Variants in LRRIQ1 observed in about 807,000 individuals in gnomAD.
The protein encoded by LRRIQ1 is leucine-rich repeat- and IQ domain-containing protein 1.
In LRRIQ1, 210 loss-of-function variants were observed where a neutral mutation model predicts 211.9. The ratio of observed to expected loss-of-function variants is 0.99; its 90% CI spans 0.89 to 1.11. LRRIQ1 has a LOEUF of 1.11. LRRIQ1 is among the 50% of genes most tolerant of loss of function. The pLI is 0.00. For missense variants in LRRIQ1, 2,136 were observed against 1,939.5 expected (o/e 1.10, Z -1.90); for synonymous variants, 699 against 650.1 (o/e 1.08, Z -1.14).
In LRRIQ1 at chr12:85,232,583, G is replaced by T; in HGVS notation, c.4956-113G>T. ...TATAACCTAATTTAAGAAAACTGTT[G>T]TTTCCATTTTGTAAATAACGAATTT... On this transcript the variant is annotated intron_variant, in intron 25 of 26. Transcript: ENST00000393217. 6.5e-6 allele frequency: 5 copies of T among 770,846 alleles called. No individual in the cohort carries two copies. In the South Asian group the frequency reaches 6.6e-5, roughly 10 times the overall value. 47.8% of individuals were successfully genotyped at this position (770,846 alleles called of 1,614,324 possible).
At chr12:85,185,936 C>A (rs1892207271) in intron 24 of LRRIQ1, among the ~76,000 whole-genome samples, 1 of 151,562 alleles carries the variant, frequency 6.6e-6, no homozygotes, top group Non-Finnish European at 1.5e-5. Flanking sequence ...TGATAAGTAA[C>A]TGATAAAATT....
chr12:85,244,719 A>C, intron 26 of LRRIQ1, 70 bp from the exon 27 acceptor site: 3 of 1,310,178 alleles, frequency 2.3e-6, no homozygotes, highest in Non-Finnish European at 3.3e-6. Context: ...ATTTGGGGTA[A>C]TGTGAGCTGC....
At chr12:85,171,152 A>T (rs1173459878) in intron 24 of LRRIQ1, among the ~76,000 whole-genome samples, 1 of 152,138 alleles carries the variant, frequency 6.6e-6, no homozygotes, top group Non-Finnish European at 1.5e-5. Context: ...GAAATTGAGA[A>T]TTTCAGCAGG....
In LRRIQ1 at chr12:85,046,137, G is replaced by A. The variant is rs765420248; in HGVS notation, c.454G>A (p.Asp152Asn). The A allele has an allele frequency of 6.4e-7, 1 of 1,559,810 alleles. No homozygotes were observed. Among genetic ancestry groups the A allele is most frequent in the Non-Finnish European group, 8.8e-7 (1 of 1,136,688 alleles). Residue 152 changes from aspartate to asparagine, a missense_variant and splice_region_variant, in exon 5 of 27, where the codon GAT (aspartate) becomes AAT (asparagine). Asp to Asn is a conservative substitution (Grantham distance 23). Transcript: ENST00000393217. ...DLPMDEHVLP[D>N]DADINFGYCE... Reference sequence around the variant, plus strand: ...GCCTATGGATGAACATGTTTTACCAGGTGGACTAAATTGCTCAATGATATG... The same window carrying A: ...GCCTATGGATGAACATGTTTTACCAAGTGGACTAAATTGCTCAATGATATG...
chr12:85,091,419 G>T, intron 11 of LRRIQ1, among the ~76,000 whole-genome samples: 1 of 151,814 alleles, frequency 6.6e-6, no homozygotes. Context: ...TGTATAGTTT[G>T]GGAATATTTT....
At chr12:85,155,034 A>G (rs1890467360) in intron 23 of LRRIQ1, among the ~76,000 whole-genome samples, 2 of 151,344 alleles carry the variant, frequency 1.3e-5, no homozygotes, top group Admixed American at 1.3e-4. Context: ...ACATTTTAAA[A>G]CAAGTAAATG....
At chr12:85,148,298 T>C (rs1445593763) in intron 19 of LRRIQ1, among the ~76,000 whole-genome samples, 2 of 151,674 alleles carry the variant, frequency 1.3e-5, no homozygotes, top group Non-Finnish European at 3.0e-5. Context: ...ATCCCTCTCC[T>C]TGCCTCCCCA....
chr12:85,100,836 T>C (rs1886295378), intron 13 of LRRIQ1, among the ~76,000 whole-genome samples: 1 of 151,792 alleles, frequency 6.6e-6, no homozygotes, highest in Admixed American at 6.6e-5. Context: ...ATCTTCAACC[T>C]TAGAATATTT....
At chr12:85,074,227 C>T (rs1883394671) in intron 11 of LRRIQ1, among the ~76,000 whole-genome samples, 1 of 151,700 alleles carries the variant, frequency 6.6e-6, no homozygotes, top group Non-Finnish European at 1.5e-5. Context: ...GAATGTTTTC[C>T]ATTCTAATTA....
chr12:85,237,058 C>T (rs1050435236), intron 26 of LRRIQ1, among the ~76,000 whole-genome samples: 2 of 151,726 alleles, frequency 1.3e-5, no homozygotes, highest in Non-Finnish European at 2.9e-5. Context: ...ATTTAAATTA[C>T]ATATTATTGT....
rs762063431 is a variant in LRRIQ1, at chr12:85,038,298, A to G, written c.122A>G (p.Asp41Gly). 1.9e-6 allele frequency: 3 copies of G among 1,574,262 alleles called. No individual in the cohort carries two copies. Among genetic ancestry groups the G allele is most frequent in the African/African-American group, 1.4e-5 (1 of 73,252 alleles). Residue 41 changes from aspartate (D) to glycine (G), a missense_variant, in exon 2 of 27, where the codon GAT (aspartate) becomes GGT (glycine). By Grantham distance (94) the Asp-to-Gly change is moderately conservative (BLOSUM62 -1). Transcript: ENST00000393217. ...GCAAAATCAGAAACCCAGAGTGATG[A>G]TAGTGATACAGTGAGTATTGCACTT... ...SDAKSETQSD[D>G]SDTDSVELPE...
At chr12:85,158,120 A>T (rs1890659321) in intron 23 of LRRIQ1, among the ~76,000 whole-genome samples, 1 of 151,944 alleles carries the variant, frequency 6.6e-6, no homozygotes. Flanking sequence ...ACCACAAAAA[A>T]TTAATAATAA....
At chr12:85,108,905 G>A (rs1886970312) in intron 15 of LRRIQ1, among the ~76,000 whole-genome samples, 2 of 151,938 alleles carry the variant, frequency 1.3e-5, no homozygotes, top group African/African-American at 2.4e-5. Flanking sequence ...GACCATTAGA[G>A]TTTAAATCAA....
intron 11 of LRRIQ1, 32 bp downstream of exon 11, chr12:85,073,130 CTT>C: frequency 1.3e-6 from 2 of 1,505,744 alleles, no homozygotes; most frequent in Non-Finnish European, 1.8e-6. Context: ...TTTTGTTACT[CTT>C]TATGGATTTC....
intron 11 of LRRIQ1, among the ~76,000 whole-genome samples, chr12:85,094,978 A>C (rs963696001): frequency 6.6e-6 from 1 of 152,144 alleles, no homozygotes; most frequent in Admixed American, 6.6e-5. Context: ...TGTATCCTGA[A>C]ACTTTACTGA....
At position 85,153,645 on chromosome 12, in the gene LRRIQ1, G is replaced by T. The variant is rs201514140; in HGVS notation, c.4542-18G>T. 3.9e-5 allele frequency: 60 copies of T among 1,526,514 alleles called. No homozygotes were observed. The highest frequency in any genetic ancestry group is 1.7e-4 in the Admixed American group (9 of 51,820). 94.6% of individuals were successfully genotyped at this position (1,526,514 alleles called of 1,614,324 possible). On this transcript the variant is annotated intron_variant, in intron 21 of 26. Transcript: ENST00000393217. ...ACTTGTGTTGATTCAGTTAAAAGTG[G>T]TTTTTTTCTATTGCCAGATCAGAAA...
intron 24 of LRRIQ1, among the ~76,000 whole-genome samples, chr12:85,190,894 A>G (rs1565892850): frequency 6.6e-6 from 1 of 151,984 alleles, no homozygotes; most frequent in East Asian, 1.9e-4. Context: ...TTTCTCATGT[A>G]TTGTCTCTGT....
intron 24 of LRRIQ1, among the ~76,000 whole-genome samples, chr12:85,223,276 C>T (rs902400831): frequency 6.6e-6 from 1 of 152,002 alleles, no homozygotes; most frequent in South Asian, 2.1e-4. Context: ...TGGGAACTGA[C>T]TCCTAGGTAC....
intron 24 of LRRIQ1, among the ~76,000 whole-genome samples, chr12:85,167,418 C>T (rs1891205051): frequency 6.6e-6 from 1 of 152,242 alleles, no homozygotes; most frequent in South Asian, 2.1e-4. Context: ...GTAGGGAAGC[C>T]AACAGTGCAG....
Sources: gnomAD v4.1 joint callset for allele counts (sites outside exome capture counted in the v4.1 genomes callset) on GRCh38, gnomAD v4.1.1 for gene constraint, MANE v1.5 for transcripts, NCBI Gene and HGNC (gene_info 2026-07-23, HGNC 2026-07-21) for gene names.